Variants in CSTPP1 observed in about 807,000 individuals in gnomAD.
The protein encoded by CSTPP1 is UPF0705 protein C11orf49.
the CSTPP1 span, among the ~76,000 whole-genome samples, chr11:47,022,204 T>C: frequency 6.6e-6 from 1 of 152,082 alleles, no homozygotes; most frequent in Admixed American, 6.6e-5. Context: ...ATTTATGTTT[T>C]GTAAATAATA....
chr11:46,960,892 G>A, the CSTPP1 span, among the ~76,000 whole-genome samples: 1 of 151,988 alleles, frequency 6.6e-6, no homozygotes, highest in Non-Finnish European at 1.5e-5. Context: ...ATTGTTGTAG[G>A]GTATTTCAGC....
chr11:46,974,857 A>AACACACAC, the CSTPP1 span, among the ~76,000 whole-genome samples: 101 of 144,230 alleles, frequency 7.0e-4, no homozygotes, highest in Admixed American at 2.6e-3. Context: ...TCTATCTCAA[A>AACACACAC]ACACACACAC....
chr11:47,155,046 A>C, the CSTPP1 span: 1 of 787,372 alleles, frequency 1.3e-6, no homozygotes, highest in Non-Finnish European at 2.2e-6. Context: ...CCCAGGGGAG[A>C]CTGGCGGCCC....
chr11:46,942,717 C>T, the CSTPP1 span, among the ~76,000 whole-genome samples: 1 of 152,238 alleles, frequency 6.6e-6, no homozygotes, highest in Non-Finnish European at 1.5e-5. Flanking sequence ...TTAATTTTCA[C>T]AACTACCATA....
At chr11:47,037,995 C>T in the CSTPP1 span, among the ~76,000 whole-genome samples, 1 of 122,924 alleles carries the variant, frequency 8.1e-6, no homozygotes, top group Non-Finnish European at 2.0e-5. Flanking sequence ...CCACCTCCCT[C>T]CTGGACGGGG....
chr11:47,048,830 T>C, the CSTPP1 span, among the ~76,000 whole-genome samples: 2 of 152,160 alleles, frequency 1.3e-5, no homozygotes, highest in East Asian at 3.8e-4. Context: ...ATGATAAATA[T>C]TATGTATAGT....
At chr11:47,140,104 C>T in the CSTPP1 span, among the ~76,000 whole-genome samples, 3 of 152,180 alleles carry the variant, frequency 2.0e-5, no homozygotes, top group Admixed American at 2.0e-4. Flanking sequence ...AGCTCATGAC[C>T]TACTTTTGCT....
chr11:46,949,919 C>T, the CSTPP1 span, among the ~76,000 whole-genome samples: 16 of 152,088 alleles, frequency 1.1e-4, no homozygotes, highest in South Asian at 2.3e-3. Context: ...GTGATCCTCC[C>T]GCCTCGGCCT....
At chr11:47,064,574 G>C in the CSTPP1 span, among the ~76,000 whole-genome samples, 3 of 152,068 alleles carry the variant, frequency 2.0e-5, no homozygotes, top group Non-Finnish European at 4.4e-5. Context: ...TGAAAAGACT[G>C]TCCTTTCTCC....
At chr11:47,127,076 G>C in the CSTPP1 span, among the ~76,000 whole-genome samples, 1 of 152,200 alleles carries the variant, frequency 6.6e-6, no homozygotes, top group South Asian at 2.1e-4. Flanking sequence ...TGGGTTCCCA[G>C]AGACTTACAG....
At chr11:47,016,526 G>T in the CSTPP1 span, among the ~76,000 whole-genome samples, 316 of 151,468 alleles carry the variant, frequency 2.1e-3, 1 homozygote, top group African/African-American at 7.4e-3. Context: ...AATTTTAAAA[G>T]CAGTGTCATT....
the CSTPP1 span, among the ~76,000 whole-genome samples, chr11:47,085,971 G>A: frequency 6.6e-6 from 1 of 151,490 alleles, no homozygotes; most frequent in Non-Finnish European, 1.5e-5. Context: ...GGGAATTAGG[G>A]GATGGGGGTC....
chr11:47,112,313 A>G, the CSTPP1 span, among the ~76,000 whole-genome samples: 3 of 150,760 alleles, frequency 2.0e-5, no homozygotes, highest in African/African-American at 4.9e-5. Context: ...TATATAGCTT[A>G]TTTGTTTGTT....
chr11:47,044,650 C>T, the CSTPP1 span, among the ~76,000 whole-genome samples: 1 of 152,074 alleles, frequency 6.6e-6, no homozygotes, highest in Non-Finnish European at 1.5e-5. Flanking sequence ...TTGGGGGGTG[C>T]AGTGACTCAC....
chr11:46,948,179 C>T, the CSTPP1 span: 1 of 456,202 alleles, frequency 2.2e-6, no homozygotes, highest in Non-Finnish European at 4.4e-6. Flanking sequence ...GTAGGCAACA[C>T]ACAAAGAAGT....
the CSTPP1 span, among the ~76,000 whole-genome samples, chr11:47,023,714 C>A: frequency 7.2e-5 from 11 of 152,210 alleles, no homozygotes; most frequent in South Asian, 1.7e-3. Context: ...CAATATTTGT[C>A]TTTTTTGATT....
the CSTPP1 span, among the ~76,000 whole-genome samples, chr11:47,048,690 G>A: frequency 1.3e-5 from 2 of 152,078 alleles, no homozygotes; most frequent in African/African-American, 2.4e-5. Context: ...AGAAGGGGGT[G>A]TTGTTGTTTA....
At chr11:47,059,965 G>GT in the CSTPP1 span, among the ~76,000 whole-genome samples, 294 of 152,018 alleles carry the variant, frequency 1.9e-3, 2 homozygotes, top group African/African-American at 6.6e-3. Context: ...TTAGCTGGGT[G>GT]TGGTGGTGCA....
chr11:46,963,724 G>C, the CSTPP1 span, among the ~76,000 whole-genome samples: 2,448 of 151,384 alleles, frequency 0.016, 24 homozygotes, highest in Non-Finnish European at 0.022. Context: ...GATAAAGGTT[G>C]CAGTGAGCTG....
Sources: allele counts gnomAD v4.1 joint callset (sites outside exome capture counted in the v4.1 genomes callset), GRCh38; gene constraint gnomAD v4.1.1; transcripts MANE v1.5; gene names NCBI Gene and HGNC (gene_info 2026-07-23, HGNC 2026-07-21).